MMP2: variants seen among roughly 807,000 people sequenced by gnomAD.
MMP2 encodes the protein matrix metallopeptidase 2, also known as 72 kDa type IV collagenase.
MMP2 carries 39 observed loss-of-function variants against 74.8 expected under a neutral mutation model. The ratio of observed to expected loss-of-function variants is 0.52; its 90% CI spans 0.40 to 0.68. The LOEUF (loss-of-function observed/expected upper bound fraction) is 0.68. Among genes scored for constraint, MMP2 ranks in the 30% least tolerant of loss-of-function variants. The pLI is 0.00. For synonymous variants in MMP2, 367 were observed against 339.8 expected, an observed-to-expected ratio of 1.08 and a Z score of -0.88; for missense variants, 803 against 878.3, an observed-to-expected ratio of 0.91 and a Z score of 1.08.
chr16:55,488,474 C>A, intron 5 of MMP2, 69 bp from the exon 6 acceptor site: 1 of 1,503,648 alleles, frequency 6.7e-7, no homozygotes, highest in Non-Finnish European at 9.1e-7. Context: ...GGCAGGTGGG[C>A]AGCCAGCCAG....
At chr16:55,493,602 C>A (rs888183515) in intron 9 of MMP2, among the ~76,000 whole-genome samples, 1 of 152,146 alleles carries the variant, frequency 6.6e-6, no homozygotes, top group African/African-American at 2.4e-5. Context: ...TGACAGGGTG[C>A]AAGAGGCCAA....
chr16:55,488,405 A>G, intron 5 of MMP2, 138 bp from the exon 6 acceptor site: 1 of 883,386 alleles, frequency 1.1e-6, no homozygotes, highest in Non-Finnish European at 1.8e-6. Flanking sequence ...GCTCCTTACC[A>G]ACCAGTAGAG....
At chr16:55,482,823 G>A (rs1239498044) in intron 1 of MMP2, 86 bp from the exon 2 acceptor site, 1 of 1,136,076 alleles carries the variant, frequency 8.8e-7, no homozygotes, top group Admixed American at 1.9e-5. Context: ...GCACTGGGTT[G>A]GGGGGCTGAT....
chr16:55,505,102 C>A (rs1962765773), intron 12 of MMP2, among the ~76,000 whole-genome samples: 1 of 151,950 alleles, frequency 6.6e-6, no homozygotes, highest in Admixed American at 6.6e-5. Context: ...CAGGAATGTA[C>A]CACTATACCC....
At chr16:55,502,688 A>G in intron 11 of MMP2, 91 bp from the exon 12 acceptor site, 3 of 1,151,750 alleles carry the variant, frequency 2.6e-6, no homozygotes, top group Non-Finnish European at 3.9e-6. Context: ...AGGCCTATCC[A>G]GGAGCCATCA....
In MMP2 at chr16:55,482,968, G is replaced by A. The variant is rs1246140057; in HGVS notation, c.213G>A (p.Lys71=). The A allele has an allele frequency of 2.5e-6, 4 of 1,614,098 alleles. No homozygotes were observed. In the African/African-American group the frequency reaches 4.0e-5, roughly 16 times the overall value. The change falls in exon 2 of 13, where the codon AAG becomes AAA. Residue 71 remains lysine (K), a synonymous_variant. Transcript: ENST00000219070. ...PKESCNLFVL[K]DTLKKMQKFF... ...AGAGCTGCAACCTGTTTGTGCTGAA[G>A]GACACACTAAAGAAGATGCAGAAGT...
At chr16:55,485,814 C>T in intron 5 of MMP2, 37 bp downstream of exon 5, 1 of 1,606,148 alleles carries the variant, frequency 6.2e-7, no homozygotes, top group Non-Finnish European at 8.5e-7. Context: ...CTTTCCACCC[C>T]AAGCCTCCAG....
chr16:55,482,341 C>A (rs1240077407), intron 1 of MMP2, among the ~76,000 whole-genome samples: 1 of 152,138 alleles, frequency 6.6e-6, no homozygotes, highest in Non-Finnish European at 1.5e-5. Flanking sequence ...ACTGCCAGAG[C>A]CCATGCACAT....
At chr16:55,491,015 T>G (rs1022469032) in intron 7 of MMP2, among the ~76,000 whole-genome samples, 2 of 151,742 alleles carry the variant, frequency 1.3e-5, no homozygotes, top group South Asian at 4.2e-4. Flanking sequence ...GTCACTCCAG[T>G]CTATGCCTCT....
intron 7 of MMP2, among the ~76,000 whole-genome samples, chr16:55,490,254 C>A (rs1360230245): frequency 1.3e-5 from 2 of 152,196 alleles, no homozygotes; most frequent in African/African-American, 2.4e-5. Context: ...CTTCAAGGAG[C>A]TGGTAGGCAG....
rs898803752 is a variant in MMP2, at chr16:55,497,029, G to A, written c.1576G>A (p.Ala526Thr). 5 of 1,614,046 alleles carry A rather than the reference G, an allele frequency of 3.1e-6. No individual in the cohort carries two copies. The Admixed American group carries it at 6.7e-5, about 22-fold the overall frequency. Residue 526 changes from alanine (A) to threonine (T), a missense_variant, in exon 10 of 13, where the codon GCC becomes ACC. This residue lies in a region of MMP2 where 555 missense variants were observed against 592.0 expected (regional missense o/e 0.94). Transcript: ENST00000219070. ...LPEKIDAVYE[A>T]PQEEKAVFFA... ...GGAAAAGATTGATGCGGTATACGAGGCCCCACAGGAGGAGAAGGCTGTGTT... is the reference window on the plus strand; with the variant it reads ...GGAAAAGATTGATGCGGTATACGAGACCCCACAGGAGGAGAAGGCTGTGTT...
At chr16:55,489,544 T>G in intron 6 of MMP2, 107 bp from the exon 7 acceptor site, 1 of 1,359,704 alleles carries the variant, frequency 7.4e-7, no homozygotes, top group Non-Finnish European at 1.0e-6. Flanking sequence ...TGCCTGGGAC[T>G]GAGTCTAACT....
intron 3 of MMP2, 66 bp downstream of exon 3, chr16:55,484,230 G>A: frequency 6.4e-7 from 1 of 1,560,812 alleles, no homozygotes; most frequent in Non-Finnish European, 8.7e-7. Context: ...GGGTGAGATG[G>A]ACATTAGAGG....
At chr16:55,484,519 T>G (rs1456719595) in intron 3 of MMP2, among the ~76,000 whole-genome samples, 1 of 152,234 alleles carries the variant, frequency 6.6e-6, no homozygotes, top group Non-Finnish European at 1.5e-5. Flanking sequence ...ACTGGGCACA[T>G]TTTAAGTGCT....
chr16:55,496,386 C>T (rs938037999), intron 9 of MMP2, among the ~76,000 whole-genome samples: 43 of 152,246 alleles, frequency 2.8e-4, no homozygotes, highest in African/African-American at 1.0e-3. Context: ...CTAGGTAGAC[C>T]ATCCAGAGTG....
chr16:55,491,983 TGGAGGGTGAGGA>T, intron 8 of MMP2, 27 bp downstream of exon 8: 1 of 1,061,190 alleles, frequency 9.4e-7, no homozygotes, highest in Non-Finnish European at 1.3e-6. Context: ...GGGTTGGGGG[TGGAGGGTGAGGA>T]GGGGGGAGGT....
Position 55,505,653 on chromosome 16 carries a change from C to A in MMP2, c.*211C>A. ...TGCTGACTGTACTCCTCCCAGGCGCCCCTTCCCCCTCCAATCCCACCAACC... is the reference window on the plus strand; with the variant it reads ...TGCTGACTGTACTCCTCCCAGGCGCACCTTCCCCCTCCAATCCCACCAACC... On this transcript the variant is annotated 3_prime_UTR_variant, in exon 13 of 13. Transcript: ENST00000219070. 1.7e-6 allele frequency: 1 copy of A among 600,686 alleles called. No individual in the cohort carries two copies. The highest frequency in any genetic ancestry group is 1.9e-5 in the South Asian group (1 of 51,704). The allele number at this position is 600,686 out of a possible 1,614,324, so 37.2% of individuals were successfully genotyped here.
At chr16:55,488,957 A>T (rs1376688867) in intron 6 of MMP2, among the ~76,000 whole-genome samples, 1 of 152,088 alleles carries the variant, frequency 6.6e-6, no homozygotes, top group African/African-American at 2.4e-5. Flanking sequence ...GTGACACTTA[A>T]ATGTCAGGCC....
intron 12 of MMP2, among the ~76,000 whole-genome samples, chr16:55,504,824 T>C (rs1346898131): frequency 6.6e-6 from 1 of 151,900 alleles, no homozygotes; most frequent in Non-Finnish European, 1.5e-5. Context: ...GGCTAATTTT[T>C]TGTATTTTTA....
Sources: allele counts gnomAD v4.1 joint callset (sites outside exome capture counted in the v4.1 genomes callset), GRCh38; gene constraint gnomAD v4.1.1; regional missense constraint gnomAD v4.1.1; transcripts MANE v1.5; gene names NCBI Gene and HGNC (gene_info 2026-07-23, HGNC 2026-07-21).